The following SLC22A14 variants were observed in gnomAD, a reference collection of about 807,000 sequenced individuals.
SLC22A14 encodes the protein organic cation transporter-like 4.
In SLC22A14, 50 loss-of-function variants were observed where a neutral mutation model predicts 53.9. The ratio of observed to expected loss-of-function variants is 0.93; its 90% confidence interval spans 0.74 to 1.17. SLC22A14 has a LOEUF of 1.17. Among genes scored for constraint, SLC22A14 ranks in the 50% most tolerant of loss-of-function variants. The probability of loss-of-function intolerance (pLI) is 0.00; values close to 1 mark genes in which losing one functional copy is unlikely to be tolerated. For missense variants in SLC22A14, 671 were observed against 734.7 expected (o/e 0.91, Z 1.00); for synonymous variants, 312 against 303.0 (o/e 1.03, Z -0.31).
chr3:38,315,851 A>G, intron 9 of SLC22A14, 140 bp downstream of exon 9: 2 of 896,054 alleles, frequency 2.2e-6, no homozygotes, highest in African/African-American at 1.7e-5. Context: ...TCTCATTTAA[A>G]CACCACCAGA....
chr3:38,295,094 C>T (rs763938961), intron 1 of SLC22A14, among the ~76,000 whole-genome samples: 1 of 152,168 alleles, frequency 6.6e-6, no homozygotes, highest in Non-Finnish European at 1.5e-5. Context: ...ACTGAATACC[C>T]ATTGTGGTTT....
chr3:38,318,265 T>C lies in SLC22A14; in HGVS notation c.*16T>C, dbSNP rs1704675329. ...TGATGTCTGAGGAAGCGGCCAAGAA[T>C]GTCATTCTCAATGCCCAGATCCTGA... On this transcript the variant is annotated 3_prime_UTR_variant, in exon 11 of 11. Coordinates refer to ENST00000448498, the MANE Select transcript of SLC22A14 (RefSeq NM_001320033.2). The C allele has an allele frequency of 2.5e-6, 4 of 1,611,234 alleles. No homozygotes were observed. Among genetic ancestry groups the C allele is most frequent in the African/African-American group, 1.3e-5 (1 of 75,000 alleles).
upstream of SLC22A14, among the ~76,000 whole-genome samples, chr3:38,280,395 C>G (rs1483017942): frequency 6.6e-6 from 1 of 152,204 alleles, no homozygotes; most frequent in East Asian, 1.9e-4. Context: ...TAGAAACAAT[C>G]TGACCCTCAT....
intron 1 of SLC22A14, among the ~76,000 whole-genome samples, chr3:38,300,751 G>A (rs945724397): frequency 6.6e-6 from 1 of 152,186 alleles, no homozygotes; most frequent in African/African-American, 2.4e-5. Flanking sequence ...ATTGCCCAAT[G>A]TCAGACCCCA....
chr3:38,304,107 C>T (rs1575414638), intron 1 of SLC22A14, among the ~76,000 whole-genome samples: 1 of 151,028 alleles, frequency 6.6e-6, no homozygotes, highest in Non-Finnish European at 1.5e-5. Flanking sequence ...AGGAGAATGG[C>T]GTGAACCTGG....
chr3:38,306,233 A>G lies in SLC22A14; in HGVS notation c.207A>G (p.Leu69=), dbSNP rs1239986487. 6 of 1,614,068 alleles carry G rather than the reference A, an allele frequency of 3.7e-6. No individual in the cohort carries two copies. Among genetic ancestry groups the G allele is most frequent in the Non-Finnish European group, 5.1e-6 (6 of 1,180,032 alleles). The change falls in exon 2 of 11, where the codon CTA becomes CTG. Residue 69 remains leucine (L), a synonymous_variant. Transcript: ENST00000448498. ...AGTTTGGCACATTCCAGCAGAGGCTAGTAGCCCTCACCTTTATCCCCAGCA... is the reference window on the plus strand; with the variant it reads ...AGTTTGGCACATTCCAGCAGAGGCTGGTAGCCCTCACCTTTATCCCCAGCA... ...VGEFGTFQQR[L]VALTFIPSIM...
Position 38,313,904 on chromosome 3 carries a change from C to G in SLC22A14, c.1341C>G (p.Ala447=). 6.2e-7 allele frequency: 1 copy of G among 1,614,012 alleles called. No homozygotes were observed. The change falls in exon 8 of 11, where the codon GCC becomes GCG. Residue 447 remains alanine, a synonymous_variant. Coordinates refer to ENST00000448498, the MANE Select transcript of SLC22A14 (RefSeq NM_001320033.2). The part of the protein sequence containing the change: ...KWSLAVTLLQ[A]IIWCLLLLFL... ...GCCTGGCTGTGACTCTCCTCCAAGC[C>G]ATCATCTGGTGCTTGCTTCTCCTTT... is the stretch of plus-strand genomic sequence containing the variant.
chr3:38,316,856 C>T (rs540905503), intron 10 of SLC22A14, among the ~76,000 whole-genome samples: 2 of 152,236 alleles, frequency 1.3e-5, no homozygotes, highest in African/African-American at 4.8e-5. Flanking sequence ...CCCTCTCCTC[C>T]CAGGGACAGG....
At chr3:38,278,916 AAGAACACC>A (rs978572834), upstream of SLC22A14, among the ~76,000 whole-genome samples, 2 of 151,994 alleles carry the variant, frequency 1.3e-5, no homozygotes, top group Non-Finnish European at 2.9e-5. Context: ...CTTAGCCTGC[AAGAACACC>A]ATATATCATT....
intron 9 of SLC22A14, among the ~76,000 whole-genome samples, chr3:38,316,071 A>C (rs1281518815): frequency 6.6e-6 from 1 of 152,138 alleles, no homozygotes; most frequent in Admixed American, 6.5e-5. Context: ...TGGGAGCACT[A>C]TCTTCCTGCC....
intron 1 of SLC22A14, among the ~76,000 whole-genome samples, chr3:38,291,121 TATTA>T (rs2125873997): frequency 6.6e-6 from 1 of 152,328 alleles, no homozygotes; most frequent in African/African-American, 2.4e-5. Context: ...AAGTGAGGGC[TATTA>T]GTTTTGCCAG....
At chr3:38,283,354 C>T (rs1286708128) in intron 1 of SLC22A14, among the ~76,000 whole-genome samples, 1 of 152,080 alleles carries the variant, frequency 6.6e-6, no homozygotes, top group Non-Finnish European at 1.5e-5. Flanking sequence ...GCTTATGCAG[C>T]CTCCCCCACC....
chr3:38,311,486 C>T (rs1429441367), intron 5 of SLC22A14, among the ~76,000 whole-genome samples: 1 of 152,238 alleles, frequency 6.6e-6, no homozygotes, highest in Non-Finnish European at 1.5e-5. Flanking sequence ...GCATGGCCAA[C>T]ATGAGCATTT....
chr3:38,280,881 C>T (rs13085019), upstream of SLC22A14, among the ~76,000 whole-genome samples: 1,420 of 152,360 alleles, frequency 9.3e-3, 18 homozygotes, highest in Non-Finnish European at 0.013. Context: ...CCGTCTGCCT[C>T]AGCCTCCCAA....
At chr3:38,289,781 G>T (rs1429729434) in intron 1 of SLC22A14, among the ~76,000 whole-genome samples, 1 of 152,230 alleles carries the variant, frequency 6.6e-6, no homozygotes, top group Non-Finnish European at 1.5e-5. Context: ...GTCTGCAACA[G>T]CGACAAACAG....
At chr3:38,281,926 G>A (rs536839774), upstream of SLC22A14, among the ~76,000 whole-genome samples, 67 of 152,308 alleles carry the variant, frequency 4.4e-4, no homozygotes, top group South Asian at 1.0e-3. Flanking sequence ...GTCAGACCCC[G>A]GCAGCTCTGA....
intron 10 of SLC22A14, 34 bp downstream of exon 10, chr3:38,316,558 C>T (rs746594812): frequency 1.8e-5 from 29 of 1,589,124 alleles, no homozygotes; most frequent in African/African-American, 5.4e-5. Flanking sequence ...TGTGCCAGCA[C>T]GGGGCCTGGC....
chr3:38,297,438 G>A (rs1416226087), intron 1 of SLC22A14, among the ~76,000 whole-genome samples: 1 of 150,636 alleles, frequency 6.6e-6, no homozygotes, highest in African/African-American at 2.4e-5. Flanking sequence ...CTGTTTGGTG[G>A]TGGGATTTTT....
At chr3:38,298,422 ACATCTATCTAT>A (rs1188719780) in intron 1 of SLC22A14, among the ~76,000 whole-genome samples, 4 of 133,436 alleles carry the variant, frequency 3.0e-5, no homozygotes, top group African/African-American at 1.2e-4. Context: ...ACTTGCACAC[ACATCTATCTAT>A]CTATCTATCT....
Sources: gnomAD v4.1 joint callset for allele counts (sites outside exome capture counted in the v4.1 genomes callset) on GRCh38, gnomAD v4.1.1 for gene constraint, MANE v1.5 for transcripts, NCBI Gene and HGNC (gene_info 2026-07-23, HGNC 2026-07-21) for gene names.